Variants in TNN observed in about 807,000 individuals in gnomAD.
TNN encodes tenascin-N.
TNN carries 122 observed loss-of-function variants against 134.4 expected under a neutral mutation model. The observed-to-expected ratio is 0.91, with a 90% CI of 0.78 to 1.06. The LOEUF is 1.06. Ranked by LOEUF, TNN falls within the 50% of genes least tolerant of loss-of-function variation. The probability of loss-of-function intolerance (pLI) is 0.00; values close to 1 mark genes in which losing one functional copy is unlikely to be tolerated. For synonymous variants in TNN, 710 were observed against 670.3 expected, an observed-to-expected ratio of 1.06 and a Z score of -0.91; for missense variants, 1,739 against 1,699.4, an observed-to-expected ratio of 1.02 and a Z score of -0.41.
At chr1:175,135,356 G>A (rs1340929643) in intron 15 of TNN, among the ~76,000 whole-genome samples, 3 of 152,084 alleles carry the variant, frequency 2.0e-5, no homozygotes, top group East Asian at 3.8e-4. Flanking sequence ...TTTGTTGTGT[G>A]AACTTTTTTC....
chr1:175,118,625 G>C lies in TNN; in HGVS notation c.2451G>C (p.Trp817Cys). 1 of 1,614,170 alleles carries C rather than the reference G, an allele frequency of 6.2e-7. No individual in the cohort carries two copies. The highest frequency in any genetic ancestry group is 8.5e-7 in the Non-Finnish European group (1 of 1,180,024). Residue 817 changes from tryptophan (W) to cysteine (C), a missense_variant, in exon 11 of 19, where the codon TGG (tryptophan) becomes TGC (cysteine). Coordinates refer to ENST00000239462, the MANE Select transcript of TNN (RefSeq NM_022093.2). ...CAGAGAATACAGCCACTGTCTCCTGGGACCCGGTGCAGGCCACCATTGACA... is the reference window on the plus strand; with the variant it reads ...CAGAGAATACAGCCACTGTCTCCTGCGACCCGGTGCAGGCCACCATTGACA... ...WVTENTATVS[W>C]DPVQATIDRY...
chr1:175,099,570 AGAGGAGAGATGAGGGCTCAGGAG>A lies in TNN; in HGVS notation c.2119+984_2119+1006del, dbSNP rs1484975026. The stretch of plus-strand genomic sequence containing the variant: ...TAAGAGGAGAGGTAAGGGTCCTGGA[AGAGGAGAGATGAGGGCTCAGGAG>A]GAGGAGAGGTGAGGGGTCAGGAGGA... On this transcript the variant is annotated intron_variant, in intron 9 of 18. Transcript: ENST00000239462. 4.4e-5 allele frequency among the ~76,000 whole-genome samples: 6 copies of A among 137,428 alleles called. No individual in the cohort carries two copies. In the East Asian group the frequency reaches 7.0e-4, roughly 16 times the overall value. The allele number at this position is 137,428 out of a possible 152,430, so 90.2% of individuals were successfully genotyped here.
Position 175,123,413 on chromosome 1 carries a change from C to G in TNN, c.2664C>G (p.Pro888=). 1.9e-6 allele frequency: 3 copies of G among 1,613,738 alleles called. No individual in the cohort carries two copies. Among genetic ancestry groups the G allele is most frequent in the Non-Finnish European group, 2.5e-6 (3 of 1,179,902 alleles). ...CTTTTTAAAAAGAAATTGACGGCCC[C>G]AAAAACCTAGTGACTGACTGGGTGA... ...DTKAQTEIDG[P]KNLVTDWVTE... is the part of the protein sequence containing the mutation. The change falls in exon 12 of 19, where the codon CCC becomes CCG. Residue 888 remains proline (P), a synonymous_variant. Coordinates refer to ENST00000239462, the MANE Select transcript of TNN (RefSeq NM_022093.2).
At chr1:175,080,777 G>A (rs1222392501) in intron 4 of TNN, among the ~76,000 whole-genome samples, 1 of 152,140 alleles carries the variant, frequency 6.6e-6, no homozygotes, top group African/African-American at 2.4e-5. Flanking sequence ...ATGGGTGAGA[G>A]GCTGCTGAAG....
intron 2 of TNN, among the ~76,000 whole-genome samples, chr1:175,078,126 G>A (rs905074426): frequency 1.6e-4 from 25 of 152,156 alleles, no homozygotes; most frequent in Non-Finnish European, 2.8e-4. Flanking sequence ...GAATCAAAGC[G>A]CTACTCAGAG....
intron 2 of TNN, 53 bp downstream of exon 2, chr1:175,077,880 T>G: frequency 1.3e-6 from 2 of 1,538,282 alleles, no homozygotes; most frequent in Non-Finnish European, 1.8e-6. Flanking sequence ...GCACCTATTA[T>G]GTGCCAGGGT....
chr1:175,081,065 G>A (rs189298762), intron 4 of TNN, among the ~76,000 whole-genome samples: 3 of 152,320 alleles, frequency 2.0e-5, no homozygotes, highest in African/African-American at 7.2e-5. Context: ...AAAGAATTCT[G>A]TCTCCTGCCC....
At chr1:175,144,318 G>A in intron 17 of TNN, 69 bp from the exon 18 acceptor site, 1 of 1,455,230 alleles carries the variant, frequency 6.9e-7, no homozygotes, top group Non-Finnish European at 9.5e-7. Flanking sequence ...TCTTCCTGCT[G>A]GGTCCTCTTT....
At chr1:175,131,085 A>G (rs1319567141) in intron 15 of TNN, among the ~76,000 whole-genome samples, 2 of 152,176 alleles carry the variant, frequency 1.3e-5, no homozygotes, top group Non-Finnish European at 2.9e-5. Flanking sequence ...AGGATGACCC[A>G]TGGTCTGTTT....
intron 1 of TNN, among the ~76,000 whole-genome samples, chr1:175,068,908 A>T (rs1673856814): frequency 6.6e-6 from 1 of 152,166 alleles, no homozygotes; most frequent in African/African-American, 2.4e-5. Flanking sequence ...AACTCCATCT[A>T]AAAAACAAAA....
At chr1:175,140,555 G>C (rs1285230734) in intron 17 of TNN, among the ~76,000 whole-genome samples, 2 of 152,224 alleles carry the variant, frequency 1.3e-5, no homozygotes, top group Admixed American at 1.3e-4. Context: ...CAATGGGAAA[G>C]AGACTGAAAG....
intron 11 of TNN, among the ~76,000 whole-genome samples, chr1:175,119,970 G>A (rs892538966): frequency 2.0e-5 from 3 of 152,130 alleles, no homozygotes; most frequent in Admixed American, 2.0e-4. Context: ...TCCAAAGCCT[G>A]TGTTTTTAAT....
At chr1:175,108,485 G>A (rs551845321) in intron 9 of TNN, among the ~76,000 whole-genome samples, 1 of 152,382 alleles carries the variant, frequency 6.6e-6, no homozygotes, top group Non-Finnish European at 1.5e-5. Flanking sequence ...GTGGTCGATG[G>A]GACTGGGCGC....
chr1:175,078,979 C>T (rs917776311), intron 2 of TNN, among the ~76,000 whole-genome samples: 17 of 152,114 alleles, frequency 1.1e-4, no homozygotes, highest in African/African-American at 3.9e-4. Context: ...AAGGCCCCTC[C>T]ATAGGAAGGC....
At chr1:175,136,514 C>T (rs934751989) in intron 16 of TNN, among the ~76,000 whole-genome samples, 5 of 152,158 alleles carry the variant, frequency 3.3e-5, no homozygotes, top group Non-Finnish European at 5.9e-5. Context: ...GACCTGCTCT[C>T]CTACTTGGTG....
In TNN at chr1:175,080,347, T is replaced by C; in HGVS notation, c.969T>C (p.Pro323=). The stretch of plus-strand genomic sequence containing the variant: ...GCTATGAGATTCTTGGTTTGCTGCC[T>C]GGAACCAAGTACATAGTCACCCTGC... The part of the protein sequence containing the change: ...QHSYEILGLL[P]GTKYIVTLRN... Residue 323 remains proline (P), a synonymous_variant, in exon 4 of 19, where the codon CCT becomes CCC. Transcript: ENST00000239462. The C allele has an allele frequency of 6.2e-6, 10 of 1,614,126 alleles. No homozygotes were observed. The highest frequency in any genetic ancestry group is 8.5e-6 in the Non-Finnish European group (10 of 1,180,014).
At chr1:175,124,632 G>T (rs2006189) in intron 12 of TNN, among the ~76,000 whole-genome samples, 34,972 of 152,098 alleles carry the variant, frequency 0.23, 4,461 homozygotes, top group East Asian at 0.44. Context: ...AGTGAGCCAA[G>T]ATTGCGCCAT....
chr1:175,079,547 A>G lies in TNN; in HGVS notation c.624A>G (p.Gly208=). ...GYPACPENCS[G]HGECVRGVCQ... ...CGGCCTGCCCTGAGAACTGCAGCGGACACGGCGAGTGCGTGCGCGGCGTGT... is the reference window on the plus strand; with the variant it reads ...CGGCCTGCCCTGAGAACTGCAGCGGGCACGGCGAGTGCGTGCGCGGCGTGT... The change falls in exon 3 of 19, where the codon GGA becomes GGG. Residue 208 remains glycine, a synonymous_variant. Transcript: ENST00000239462. 6.4e-7 allele frequency: 1 copy of G among 1,570,408 alleles called. No individual in the cohort carries two copies. Among genetic ancestry groups the G allele is most frequent in the Non-Finnish European group, 8.6e-7 (1 of 1,159,128 alleles).
chr1:175,079,414 C>A lies in TNN; in HGVS notation c.491C>A (p.Pro164His), dbSNP rs769447617. Reference sequence around the variant, plus strand: ...CACTGCGAAGAGGGCAGGGAGGGCCCCGCCTGCGAGCGGCTGGCCTGCCCC... The same window carrying A: ...CACTGCGAAGAGGGCAGGGAGGGCCACGCCTGCGAGCGGCTGGCCTGCCCC... The part of the protein sequence containing the change: ...SCHCEEGREG[P>H]ACERLACPGA... Residue 164 changes from proline (P) to histidine (H), a missense_variant, in exon 3 of 19, where the codon CCC becomes CAC. Coordinates refer to ENST00000239462, the MANE Select transcript of TNN (RefSeq NM_022093.2). The A allele has an allele frequency of 1.3e-6, 2 of 1,592,214 alleles. No homozygotes were observed. Among genetic ancestry groups the A allele is most frequent in the Non-Finnish European group, 1.7e-6 (2 of 1,172,964 alleles).
Sources: allele counts gnomAD v4.1 joint callset (sites outside exome capture counted in the v4.1 genomes callset), GRCh38; gene constraint gnomAD v4.1.1; transcripts MANE v1.5; gene names NCBI Gene and HGNC (gene_info 2026-07-23, HGNC 2026-07-21).